The following TTC23 variants were observed in gnomAD, a reference collection of about 807,000 sequenced individuals.
TTC23 encodes the protein tetratricopeptide repeat protein 23.
TTC23 carries 58 observed loss-of-function variants against 55.1 expected under a neutral mutation model. The ratio of observed to expected loss-of-function variants is 1.05; its 90% CI spans 0.85 to 1.31. TTC23 has a LOEUF of 1.31. TTC23 is among the 50% of genes most tolerant of loss of function. TTC23 has a pLI of 0.00. For synonymous variants in TTC23, 203 were observed against 199.9 expected (o/e 1.02, Z -0.13); for missense variants, 516 against 534.4 (o/e 0.97, Z 0.34).
At chr15:99,249,024 T>A (rs2080503480) in intron 1 of TTC23, 147 bp downstream of exon 1, 1 of 152,166 alleles carries the variant, frequency 6.6e-6, no homozygotes, top group Admixed American at 6.5e-5. Flanking sequence ...ATGCCAGGTA[T>A]GACAATATAT....
chr15:99,182,828 TA>T (rs35493362), intron 9 of TTC23, among the ~76,000 whole-genome samples: 62 of 148,992 alleles, frequency 4.2e-4, no homozygotes, highest in East Asian at 2.5e-3. Flanking sequence ...AGTTATTACT[TA>T]AAAAAAAAAA....
intron 9 of TTC23, among the ~76,000 whole-genome samples, chr15:99,198,277 C>T (rs906508341): frequency 6.6e-6 from 1 of 152,216 alleles, no homozygotes; most frequent in African/African-American, 2.4e-5. Context: ...CCCAGTCACA[C>T]ACCAGTTCCC....
intron 8 of TTC23, among the ~76,000 whole-genome samples, chr15:99,202,732 T>C (rs2076298136): frequency 6.6e-6 from 1 of 152,178 alleles, no homozygotes; most frequent in African/African-American, 2.4e-5. Context: ...CCAGAGAAAA[T>C]GTTATGGAAA....
chr15:99,228,462 T>C, intron 5 of TTC23, 71 bp downstream of exon 5: 2 of 1,357,484 alleles, frequency 1.5e-6, no homozygotes, highest in South Asian at 3.3e-5. Context: ...ATCCAAAACA[T>C]TCTACTTCTC....
intron 5 of TTC23, among the ~76,000 whole-genome samples, chr15:99,224,959 G>A (rs1279972358): frequency 6.6e-6 from 1 of 152,108 alleles, no homozygotes; most frequent in Admixed American, 6.5e-5. Flanking sequence ...AGGAAGTTTA[G>A]GGAATGACTA....
chr15:99,240,892 G>A (rs544641952), intron 3 of TTC23, among the ~76,000 whole-genome samples: 6 of 152,280 alleles, frequency 3.9e-5, no homozygotes, highest in Admixed American at 6.5e-5. Context: ...AAAAATGTAC[G>A]TCTCTGAATC....
At chr15:99,151,704 C>T (rs2069782785) in intron 12 of TTC23, among the ~76,000 whole-genome samples, 1 of 152,250 alleles carries the variant, frequency 6.6e-6, no homozygotes, top group African/African-American at 2.4e-5. Flanking sequence ...TCTTGGCATT[C>T]TCCCCACTGT....
intron 9 of TTC23, among the ~76,000 whole-genome samples, chr15:99,188,358 C>G (rs2074922213): frequency 6.6e-6 from 1 of 151,764 alleles, no homozygotes; most frequent in Non-Finnish European, 1.5e-5. Flanking sequence ...GGAATGACTG[C>G]CAATGGGTAT....
chr15:99,199,458 T>TTGTGTGTG (rs149241257), intron 9 of TTC23, among the ~76,000 whole-genome samples: 2 of 146,058 alleles, frequency 1.4e-5, no homozygotes, highest in African/African-American at 5.1e-5. Flanking sequence ...GTGTGTGTGT[T>TTGTGTGTG]TGTGTGTGTG....
At chr15:99,226,233 C>T (rs2078400903) in intron 5 of TTC23, among the ~76,000 whole-genome samples, 1 of 151,952 alleles carries the variant, frequency 6.6e-6, no homozygotes, top group African/African-American at 2.4e-5. Flanking sequence ...ACAAGGTTTA[C>T]AGATTAGATA....
intron 8 of TTC23, among the ~76,000 whole-genome samples, chr15:99,203,402 C>T (rs1322645833): frequency 6.6e-6 from 1 of 151,936 alleles, no homozygotes; most frequent in Non-Finnish European, 1.5e-5. Context: ...TATAAGCACA[C>T]AAAGTTAATG....
rs140041194 is a variant in TTC23 at position 99,237,014 on chromosome 15, T to C, written c.-113-1934A>G. ...TTTTTTTTTTGAGACAGAGTTTCAC[T>C]CTTATTGCTCAGGTTGGAGTACAAT... On this transcript the variant is annotated intron_variant, in intron 3 of 13. Transcript: ENST00000394132. Among the ~76,000 whole-genome samples the C allele has an allele frequency of 6.2e-3, 924 of 148,354 alleles. 14 individuals are homozygous for C. The highest frequency in any genetic ancestry group is 0.022 in the African/African-American group (868 of 40,194).
rs546917487 is a variant in TTC23 at position 99,221,733 on chromosome 15, G to A, written c.304+8C>T. 25 of 1,613,744 alleles carry A rather than the reference G, an allele frequency of 1.5e-5. No homozygotes were observed. The highest frequency in any genetic ancestry group is 5.5e-5 in the South Asian group (5 of 91,058). On this transcript the variant is annotated splice_region_variant and intron_variant, in intron 6 of 13. Transcript: ENST00000394132. ...CAACTGATCCCCCTCAGTCTAAGGC[G>A]AGCTTACCTTTCAGCTGGAGGTAGC...
intron 9 of TTC23, among the ~76,000 whole-genome samples, chr15:99,189,294 A>G (rs2075022940): frequency 6.6e-6 from 1 of 152,206 alleles, no homozygotes; most frequent in Non-Finnish European, 1.5e-5. Context: ...ATGCCAACTG[A>G]TAAGTGTGGA....
At chr15:99,225,600 C>T (rs2078334476) in intron 5 of TTC23, among the ~76,000 whole-genome samples, 2 of 152,066 alleles carry the variant, frequency 1.3e-5, no homozygotes, top group Admixed American at 1.3e-4. Context: ...TTTCCTGAAC[C>T]CATACTGATA....
Position 99,218,639 on chromosome 15 carries a change from A to G in TTC23, c.530T>C (p.Ile177Thr), listed in dbSNP as rs757758331. The G allele has an allele frequency of 6.2e-7, 1 of 1,614,094 alleles. No individual in the cohort carries two copies. Residue 177 changes from isoleucine to threonine, a missense_variant, in exon 8 of 14, where the codon ATA becomes ACA. Physicochemically the swap from Ile to Thr is moderately conservative, Grantham distance 89 (BLOSUM62 -1). Coordinates refer to ENST00000394132, the MANE Select transcript of TTC23 (RefSeq NM_001288615.3). ...SKELLQCGRIIKEEWIEIEAR... is the reference protein window; with the variant it reads ...SKELLQCGRITKEEWIEIEAR... ...TTCAATTTCTATCCATTCTTCCTTT[A>G]TAATTCTTCCACATTGTAGCAGCTC...
intron 8 of TTC23, among the ~76,000 whole-genome samples, chr15:99,213,938 G>A (rs2077240974): frequency 6.6e-6 from 1 of 152,134 alleles, no homozygotes; most frequent in Non-Finnish European, 1.5e-5. Context: ...CAAAAGGTAT[G>A]CAAATGTTTA....
chr15:99,174,981 C>T (rs1006940197), intron 10 of TTC23, 69 bp downstream of exon 10: 3 of 1,406,600 alleles, frequency 2.1e-6, no homozygotes, highest in Non-Finnish European at 3.0e-6. Flanking sequence ...CCTGTTAACC[C>T]ATCTAGAAGG....
intron 9 of TTC23, among the ~76,000 whole-genome samples, chr15:99,176,433 A>C (rs1269719988): frequency 1.3e-5 from 2 of 152,152 alleles, no homozygotes; most frequent in Non-Finnish European, 2.9e-5. Context: ...CAACATGGTG[A>C]AACCCTGTCT....
Sources: gnomAD v4.1 joint callset for allele counts (sites outside exome capture counted in the v4.1 genomes callset) on GRCh38, gnomAD v4.1.1 for gene constraint, MANE v1.5 for transcripts, NCBI Gene and HGNC (gene_info 2026-07-23, HGNC 2026-07-21) for gene names.